The following KMT2A variants were observed in gnomAD, a reference collection of about 807,000 sequenced individuals.
The protein encoded by KMT2A is histone-lysine N-methyltransferase 2A.
Under a neutral mutation model 345.3 loss-of-function variants are expected in KMT2A, and 16 were observed. That is an observed-to-expected ratio of 0.05 (90% CI 0.03 to 0.07). The LOEUF (loss-of-function observed/expected upper bound fraction) is 0.07, where lower values mean the gene tolerates loss of function less well. Among genes scored for constraint, KMT2A ranks in the 10% least tolerant of loss-of-function variants. KMT2A has a pLI of 1.00. For synonymous variants in KMT2A, 1,599 were observed against 1,778.6 expected (o/e 0.90, Z 2.54); for missense variants, 3,272 against 4,841.6 (o/e 0.68, Z 9.62).
chr11:118,488,887 G>A, intron 11 of KMT2A, 127 bp downstream of exon 11: 2 of 721,074 alleles, frequency 2.8e-6, no homozygotes, highest in Non-Finnish European at 4.6e-6. Context: ...TACTCTATGT[G>A]AACAGACTTT....
chr11:118,484,449 G>T lies in KMT2A; in HGVS notation c.4218+135G>T. On this transcript the variant is annotated intron_variant, in intron 9 of 35. Coordinates refer to ENST00000534358, the MANE Select transcript of KMT2A (RefSeq NM_001197104.2). The surrounding 1 kb of genome is among the most constrained non-coding windows in gnomAD (Gnocchi z 4.1). ...GAATAAGAACTCCCATTAGCAGGTG[G>T]GTTTAGCGCTGGGAGAGCTTTGGTC... 1 of 898,232 alleles carries T rather than the reference G, an allele frequency of 1.1e-6. No individual in the cohort carries two copies. The allele number at this position is 898,232 out of a possible 1,614,324, so 55.6% of individuals were successfully genotyped here. A position where few individuals can be genotyped will look rare whatever the true frequency, so the allele number is the denominator to read the frequency against.
At chr11:118,469,979 T>C (rs1283019301) in intron 2 of KMT2A, among the ~76,000 whole-genome samples, 1 of 152,168 alleles carries the variant, frequency 6.6e-6, no homozygotes, top group Non-Finnish European at 1.5e-5. Flanking sequence ...AAACTTCATA[T>C]AGGAAAGGAA....
chr11:118,482,359 GGTCA>G, intron 7 of KMT2A, 59 bp from the exon 8 acceptor site: 1 of 1,109,016 alleles, frequency 9.0e-7, no homozygotes, highest in Non-Finnish European at 1.3e-6. Context: ...TTTCTTCACA[GGTCA>G]GTCAGTACTA....
In KMT2A at chr11:118,505,947, C is replaced by T. The variant is rs375734242; in HGVS notation, c.10055C>T (p.Thr3352Ile). The T allele has an allele frequency of 6.2e-7, 1 of 1,614,154 alleles. No individual in the cohort carries two copies. Among genetic ancestry groups the T allele is most frequent in the Non-Finnish European group, 8.5e-7 (1 of 1,180,036 alleles). ...SVLNVVSMQTTTTPTSSASVP... is the reference protein window; with the variant it reads ...SVLNVVSMQTITTPTSSASVP... ...TTGAATGTTGTATCCATGCAAACTA[C>T]CACAACCCCTACAAGTAGTGCGTCA... Residue 3352 changes from threonine (T) to isoleucine (I), a missense_variant, in exon 27 of 36, where the codon ACC becomes ATC. Around this residue, in one of 27 missense-constraint regions of KMT2A, gnomAD observed 748 missense variants for 922.2 expected, o/e 0.81. Transcript: ENST00000534358. This position sits in a 1 kb window ranked among gnomAD's most constrained non-coding sequence, Gnocchi z 4.6.
intron 1 of KMT2A, among the ~76,000 whole-genome samples, chr11:118,438,392 C>A (rs1949243017): frequency 6.9e-6 from 1 of 145,926 alleles, no homozygotes; most frequent in East Asian, 2.0e-4. Flanking sequence ...AGTGGCGTTG[C>A]GCATTTGTTT....
chr11:118,513,906 C>G (rs1555050800), intron 31 of KMT2A, among the ~76,000 whole-genome samples: 1 of 145,866 alleles, frequency 6.9e-6, no homozygotes. Flanking sequence ...GCACTGCACT[C>G]CAGCCTGGGT....
At chr11:118,489,730 G>C in intron 11 of KMT2A, 62 bp from the exon 12 acceptor site, 1 of 1,361,204 alleles carries the variant, frequency 7.3e-7, no homozygotes, top group Non-Finnish European at 1.1e-6. Context: ...GGGGTACTAA[G>C]TAATAGGTGT....
chr11:118,499,960 C>A, intron 24 of KMT2A, 47 bp downstream of exon 24: 2 of 1,262,434 alleles, frequency 1.6e-6, no homozygotes, highest in Non-Finnish European at 2.3e-6. Context: ...AACCTGAACA[C>A]ACTGAAGCCA....
Position 118,504,084 on chromosome 11 carries a change from C to T in KMT2A, c.8192C>T (p.Thr2731Ile). The T allele has an allele frequency of 1.2e-6, 2 of 1,614,096 alleles. No individual in the cohort carries two copies. The highest frequency in any genetic ancestry group is 1.7e-6 in the Non-Finnish European group (2 of 1,180,022). ...DGVDDGTESDTSVTATTRKSS... is the reference protein window; with the variant it reads ...DGVDDGTESDISVTATTRKSS... ...GTTGATGATGGGACAGAGAGTGATA[C>T]TAGTGTCACAGCCACAACAAGGAAA... is the stretch of plus-strand genomic sequence containing the variant. The change falls in exon 27 of 36, where the codon ACT becomes ATT. Residue 2731 changes from threonine (T) to isoleucine (I), a missense_variant. Physicochemically the swap from Thr to Ile is moderately conservative, Grantham distance 89 (BLOSUM62 -1). Around this residue, in one of 27 missense-constraint regions of KMT2A, gnomAD observed 9 missense variants for 27.7 expected, o/e 0.32. Transcript: ENST00000534358. The surrounding 1 kb of genome is among the most constrained non-coding windows in gnomAD (Gnocchi z 6.4).
At position 118,510,228 on chromosome 11, in the gene KMT2A, G is replaced by C; in HGVS notation, c.11071+110G>C. 1 of 798,232 alleles carries C rather than the reference G, an allele frequency of 1.3e-6. No individual in the cohort carries two copies. The highest frequency in any genetic ancestry group is 2.0e-6 in the Non-Finnish European group (1 of 509,844). The allele number at this position is 798,232 out of a possible 1,614,324, so 49.4% of individuals were successfully genotyped here. A position where few individuals can be genotyped will look rare whatever the true frequency, so the allele number is the denominator to read the frequency against. ...GTGGCTGTTTTATGCTAGATGGTAG[G>C]GGGATACCTGGAGGCATCATACATT... On this transcript the variant is annotated intron_variant, in intron 30 of 35. Coordinates refer to ENST00000534358, the MANE Select transcript of KMT2A (RefSeq NM_001197104.2). The surrounding 1 kb of genome is among the most constrained non-coding windows in gnomAD (Gnocchi z 4.1).
At chr11:118,441,579 G>T (rs1340033493) in intron 1 of KMT2A, among the ~76,000 whole-genome samples, 1 of 151,906 alleles carries the variant, frequency 6.6e-6, no homozygotes, top group Non-Finnish European at 1.5e-5. Flanking sequence ...TATTCCTGTA[G>T]GTGTATGAAT....
intron 1 of KMT2A, chr11:118,458,093 T>C: frequency 3.2e-6 from 1 of 311,742 alleles, no homozygotes; most frequent in South Asian, 2.3e-5. Context: ...TTTATTTTGG[T>C]TTATTTTTGA....
intron 28 of KMT2A, 118 bp from the exon 29 acceptor site, chr11:118,509,018 C>T (rs781986682): frequency 8.0e-6 from 6 of 750,218 alleles, no homozygotes; most frequent in Non-Finnish European, 1.1e-5. Context: ...CAGAAAGCCC[C>T]CTGTGGCTCA....
At position 118,496,175 on chromosome 11, in the gene KMT2A, T is replaced by G; in HGVS notation, c.5558-86T>G. The G allele has an allele frequency of 9.7e-7, 1 of 1,031,734 alleles. No homozygotes were observed. The highest frequency in any genetic ancestry group is 2.4e-5 in the East Asian group (1 of 42,156). 63.9% of individuals were successfully genotyped at this position (1,031,734 alleles called of 1,614,324 possible). On this transcript the variant is annotated intron_variant, in intron 19 of 35. Coordinates refer to ENST00000534358, the MANE Select transcript of KMT2A (RefSeq NM_001197104.2). This position sits in a 1 kb window ranked among gnomAD's most constrained non-coding sequence, Gnocchi z 4.7. The stretch of plus-strand genomic sequence containing the variant: ...AGGCTGTGGGCTATGTAAGCTGAAT[T>G]ATTTCTTTTTTCCTTGAAATCAGAC...
Position 118,477,393 on chromosome 11 carries a change from G to A in KMT2A, c.3334+411G>A, listed in dbSNP as rs559580450. ...AGTAGCCACTCAGAACAAATTTAGAGGTTTGAAGAATCCTTAGAAGCATTT... is the reference window on the plus strand; with the variant it reads ...AGTAGCCACTCAGAACAAATTTAGAAGTTTGAAGAATCCTTAGAAGCATTT... On this transcript the variant is annotated intron_variant, in intron 4 of 35. Coordinates refer to ENST00000534358, the MANE Select transcript of KMT2A (RefSeq NM_001197104.2). 9.2e-4 allele frequency among the ~76,000 whole-genome samples: 140 copies of A among 151,506 alleles called. 1 individual carries two copies. The highest frequency in any genetic ancestry group is 3.3e-3 in the African/African-American group (135 of 41,268).
At chr11:118,443,668 C>T (rs1949359366) in intron 1 of KMT2A, among the ~76,000 whole-genome samples, 1 of 152,182 alleles carries the variant, frequency 6.6e-6, no homozygotes, top group South Asian at 2.1e-4. Flanking sequence ...AGTTAGTTGG[C>T]AGTTTTGTGT....
chr11:118,493,029 A>G lies in KMT2A; in HGVS notation c.5005-28A>G. ...GGACACCTTGGTTTTAGTGTTAGATAAAAGCAACATATCTTTCCTGGCAAT... is the reference window on the plus strand; with the variant it reads ...GGACACCTTGGTTTTAGTGTTAGATGAAAGCAACATATCTTTCCTGGCAAT... On this transcript the variant is annotated intron_variant, in intron 15 of 35. Coordinates refer to ENST00000534358, the MANE Select transcript of KMT2A (RefSeq NM_001197104.2). This position sits in a 1 kb window ranked among gnomAD's most constrained non-coding sequence, Gnocchi z 5.8. 3 of 1,600,064 alleles carry G rather than the reference A, an allele frequency of 1.9e-6. No homozygotes were observed. Among genetic ancestry groups the G allele is most frequent in the Non-Finnish European group, 2.6e-6 (3 of 1,170,888 alleles).
rs1436479321 is a variant in KMT2A, at chr11:118,512,291, A to G, written c.11146+266A>G. ...TAAAAGAAACCCCCTATTCATTAGC[A>G]GTCATTCCTCAGCCCCTGGCCACCA... On this transcript the variant is annotated intron_variant, in intron 31 of 35. Transcript: ENST00000534358. The G allele has an allele frequency of 3.7e-5, 18 of 486,256 alleles. 1 individual carries two copies. The highest frequency in any genetic ancestry group is 3.0e-4 in the African/African-American group (15 of 50,318). 30.1% of individuals were successfully genotyped at this position (486,256 alleles called of 1,614,324 possible).
At chr11:118,483,451 T>C (rs928600199) in intron 8 of KMT2A, among the ~76,000 whole-genome samples, 2 of 152,080 alleles carry the variant, frequency 1.3e-5, no homozygotes, top group Admixed American at 6.5e-5. Context: ...GAGAATGGCG[T>C]GAACCCGGGG....
Sources: gnomAD v4.1 joint callset for allele counts (sites outside exome capture counted in the v4.1 genomes callset) on GRCh38, gnomAD v4.1.1 for gene constraint, gnomAD v4.1.1 regional missense constraint, Gnocchi (gnomAD v3.1) non-coding constraint, MANE v1.5 for transcripts, NCBI Gene and HGNC (gene_info 2026-07-23, HGNC 2026-07-21) for gene names.